ANKFN1: variants seen among roughly 807,000 people sequenced by gnomAD.
The protein encoded by ANKFN1 is ankyrin repeat and fibronectin type-III domain-containing protein 1.
ANKFN1 carries 74 observed loss-of-function variants against 108.7 expected under a neutral mutation model. That is an observed-to-expected ratio of 0.68 (90% CI 0.56 to 0.83). The LOEUF (loss-of-function observed/expected upper bound fraction) is 0.83. Ranked by LOEUF, ANKFN1 falls within the 40% of genes least tolerant of loss-of-function variation. ANKFN1 has a pLI of 0.00. For synonymous variants in ANKFN1, 547 were observed against 516.2 expected (o/e 1.06, Z -0.81); for missense variants, 1,505 against 1,382.3 (o/e 1.09, Z -1.41).
chr17:56,323,740 C>G (rs1250549120), intron 3 of ANKFN1, among the ~76,000 whole-genome samples: 2 of 152,158 alleles, frequency 1.3e-5, no homozygotes, highest in Admixed American at 1.3e-4. Flanking sequence ...ATGCTAAGCA[C>G]TTCAACAAAA....
intron 4 of ANKFN1, among the ~76,000 whole-genome samples, chr17:56,079,321 G>T (rs1485979286): frequency 1.3e-5 from 2 of 152,112 alleles, no homozygotes; most frequent in Non-Finnish European, 2.9e-5. Context: ...CTTCCATTCT[G>T]CCTCCCCACC....
chr17:56,354,405 C>T (rs16957113), intron 6 of ANKFN1, among the ~76,000 whole-genome samples: 4,238 of 150,626 alleles, frequency 0.028, 196 homozygotes, highest in African/African-American at 0.1. Context: ...ACAGTCAATG[C>T]GGTGGCTTCA....
chr17:56,396,643 C>T (rs557439195), intron 8 of ANKFN1, among the ~76,000 whole-genome samples: 187 of 152,120 alleles, frequency 1.2e-3, no homozygotes, highest in African/African-American at 4.3e-3. Flanking sequence ...TTGTCAAGCC[C>T]ATACCATGTG....
chr17:56,472,012 A>T (rs1049516649), intron 15 of ANKFN1: 1 of 152,258 alleles, frequency 6.6e-6, no homozygotes, highest in Non-Finnish European at 1.5e-5. Flanking sequence ...ACTGAATTAC[A>T]TACTTGAACA....
intron 3 of ANKFN1, among the ~76,000 whole-genome samples, chr17:56,253,907 G>C (rs2043294845): frequency 6.6e-6 from 1 of 151,858 alleles, no homozygotes; most frequent in African/African-American, 2.4e-5. Flanking sequence ...TGTATTTTGG[G>C]TATTTACATA....
At chr17:56,357,405 G>A (rs1371563516) in intron 6 of ANKFN1, among the ~76,000 whole-genome samples, 1 of 152,176 alleles carries the variant, frequency 6.6e-6, no homozygotes. Context: ...AGGATGCCAG[G>A]GACTCAGGCC....
At chr17:56,499,327 C>G (rs2051295934) in intron 20 of ANKFN1, among the ~76,000 whole-genome samples, 1 of 152,044 alleles carries the variant, frequency 6.6e-6, no homozygotes, top group Non-Finnish European at 1.5e-5. Flanking sequence ...AAGAGTCATT[C>G]CAGTTCTAGG....
At chr17:56,488,404 G>A (rs773604677) in intron 18 of ANKFN1, among the ~76,000 whole-genome samples, 2 of 152,134 alleles carry the variant, frequency 1.3e-5, no homozygotes, top group African/African-American at 2.4e-5. Flanking sequence ...GTGCCGAGAC[G>A]GATAATGTTA....
chr17:56,251,747 G>T (rs1454986996), intron 3 of ANKFN1, among the ~76,000 whole-genome samples: 2 of 152,062 alleles, frequency 1.3e-5, no homozygotes, highest in Non-Finnish European at 2.9e-5. Flanking sequence ...AGCTAACATG[G>T]AAATGCATGT....
Position 56,477,546 on chromosome 17 carries a change from G to T in ANKFN1, c.1832G>T (p.Gly611Val). ...CGTCTCTTTCCTGGATTATATCTGG[G>T]TTACCTAAAGCTCTGTAGCTCTGTG... ...HQRLFPGLYL[G>V]YLKLCSSVDQ... The change falls in exon 16 of 21, where the codon GGT becomes GTT. Residue 611 changes from glycine to valine, a missense_variant. Coordinates refer to ENST00000682825, the MANE Select transcript of ANKFN1 (RefSeq NM_001370326.1). The T allele has an allele frequency of 1.2e-6, 2 of 1,612,018 alleles. No individual in the cohort carries two copies. Among genetic ancestry groups the T allele is most frequent in the Non-Finnish European group, 1.7e-6 (2 of 1,179,420 alleles).
chr17:56,054,044 A>C (rs1204672480), intron 4 of ANKFN1, among the ~76,000 whole-genome samples: 2 of 151,872 alleles, frequency 1.3e-5, no homozygotes, highest in African/African-American at 4.8e-5. Flanking sequence ...CCGTTATATC[A>C]CTCCATATTA....
At chr17:56,240,800 AT>A (rs1278970063) in intron 3 of ANKFN1, among the ~76,000 whole-genome samples, 41 of 151,962 alleles carry the variant, frequency 2.7e-4, no homozygotes, top group African/African-American at 9.4e-4. Context: ...ATCTTTTAAT[AT>A]GTTTCTTGGT....
rs1598086114 is a variant in ANKFN1, at chr17:56,063,339, T to A, written c.288+17014T>A. 2.6e-5 allele frequency among the ~76,000 whole-genome samples: 4 copies of A among 152,216 alleles called. No individual in the cohort carries two copies. The East Asian group carries it at 7.7e-4, about 29-fold the overall frequency. ...AGTTCTCCTGGATAATATCCTGAAA[T>A]GTGTTTTCCAGCTTGTTTCCATTCT... On this transcript the variant is annotated intron_variant, in intron 4 of 12. Transcript: ENST00000635860.
chr17:56,269,026 C>T (rs1598330371), intron 3 of ANKFN1, among the ~76,000 whole-genome samples: 2 of 152,156 alleles, frequency 1.3e-5, no homozygotes, highest in Admixed American at 1.3e-4. Context: ...GTACAGGCAT[C>T]CTGGCAGTTT....
At chr17:56,082,859 G>T (rs533864295) in intron 4 of ANKFN1, among the ~76,000 whole-genome samples, 19 of 141,550 alleles carry the variant, frequency 1.3e-4, no homozygotes, top group African/African-American at 4.6e-4. Context: ...ACCTGTCCCA[G>T]TGAGCTCTCC....
chr17:56,290,293 A>C (rs576300392), intron 3 of ANKFN1, among the ~76,000 whole-genome samples: 4 of 152,292 alleles, frequency 2.6e-5, no homozygotes, highest in Admixed American at 6.5e-5. Flanking sequence ...TTCACCCAGC[A>C]ATTTAAACAG....
intron 18 of ANKFN1, among the ~76,000 whole-genome samples, chr17:56,484,129 G>C (rs1056908087): frequency 2.0e-5 from 3 of 152,114 alleles, no homozygotes; most frequent in Admixed American, 6.6e-5. Flanking sequence ...AAAAACATGA[G>C]AACAGAAGAA....
intron 3 of ANKFN1, among the ~76,000 whole-genome samples, chr17:56,230,216 G>A (rs994680084): frequency 6.6e-6 from 1 of 152,036 alleles, no homozygotes; most frequent in African/African-American, 2.4e-5. Context: ...CCTCCATAGA[G>A]GAATAAGGCT....
chr17:56,108,680 C>T (rs1347059697), intron 4 of ANKFN1, among the ~76,000 whole-genome samples: 2 of 152,158 alleles, frequency 1.3e-5, no homozygotes, highest in Non-Finnish European at 2.9e-5. Context: ...AAATGAACAA[C>T]AACTAACAAT....
Sources: gnomAD v4.1 joint callset for allele counts (sites outside exome capture counted in the v4.1 genomes callset) on GRCh38, gnomAD v4.1.1 for gene constraint, MANE v1.5 for transcripts, NCBI Gene and HGNC (gene_info 2026-07-23, HGNC 2026-07-21) for gene names.